Variants in MMP20 observed in about 807,000 individuals in gnomAD.
The protein encoded by MMP20 is matrix metalloproteinase-20.
Under a neutral mutation model 51.8 loss-of-function variants are expected in MMP20, and 50 were observed. The observed-to-expected ratio is 0.97, with a 90% CI of 0.77 to 1.22. The LOEUF is 1.22. MMP20 is among the 50% of genes most tolerant of loss of function. MMP20 has a pLI of 0.00. For synonymous variants in MMP20, 244 were observed against 216.2 expected, an observed-to-expected ratio of 1.13 and a Z score of -1.13; for missense variants, 663 against 601.4, an observed-to-expected ratio of 1.10 and a Z score of -1.07.
At chr11:102,597,703 T>C (rs913543843) in intron 6 of MMP20, among the ~76,000 whole-genome samples, 2 of 152,232 alleles carry the variant, frequency 1.3e-5, no homozygotes, top group African/African-American at 4.8e-5. Flanking sequence ...GTGTAATGTA[T>C]ATAATGTGCA....
chr11:102,596,766 T>A (rs899313330), intron 6 of MMP20, among the ~76,000 whole-genome samples: 6 of 152,220 alleles, frequency 3.9e-5, no homozygotes, highest in Non-Finnish European at 2.9e-5. Flanking sequence ...TACTTGCTCA[T>A]GCTCAGTCTC....
chr11:102,609,881 T>C, intron 4 of MMP20, 24 bp downstream of exon 4: 1 of 1,614,032 alleles, frequency 6.2e-7, no homozygotes, highest in Non-Finnish European at 8.5e-7. Context: ...ATTTTCCAGG[T>C]TATGGTGAAT....
At position 102,577,235 on chromosome 11, in the gene MMP20, T is replaced by C; in HGVS notation, c.*91A>G. 2 of 843,970 alleles carry C rather than the reference T, an allele frequency of 2.4e-6. No individual in the cohort carries two copies. Among genetic ancestry groups the C allele is most frequent in the Admixed American group, 3.6e-5 (2 of 54,890 alleles). 52.3% of individuals were successfully genotyped at this position (843,970 alleles called of 1,614,324 possible). Reference sequence around the variant, plus strand: ...TTTGATTTGAAGGCCTTTGGAAGAATCCCTCTCCTACATTCTGCTTTAGTC... The same window carrying C: ...TTTGATTTGAAGGCCTTTGGAAGAACCCCTCTCCTACATTCTGCTTTAGTC... On this transcript the variant is annotated 3_prime_UTR_variant, in exon 10 of 10. Transcript: ENST00000260228.
intron 8 of MMP20, among the ~76,000 whole-genome samples, chr11:102,592,647 G>A (rs1482384429): frequency 2.0e-5 from 3 of 152,194 alleles, no homozygotes; most frequent in Admixed American, 2.0e-4. Flanking sequence ...ATGAGCCTAA[G>A]GTGTCTAGCA....
intron 8 of MMP20, among the ~76,000 whole-genome samples, chr11:102,591,044 G>T (rs1859311191): frequency 1.3e-5 from 2 of 152,194 alleles, no homozygotes; most frequent in Admixed American, 6.5e-5. Flanking sequence ...TTATTTTGGG[G>T]TCTCTGATAC....
chr11:102,609,649 G>A (rs913190306), intron 4 of MMP20, among the ~76,000 whole-genome samples: 6 of 152,180 alleles, frequency 3.9e-5, no homozygotes, highest in Admixed American at 1.3e-4. Context: ...TGAAGGAAAC[G>A]AGAGCAGTGC....
At chr11:102,593,749 A>C (rs1859346691) in intron 7 of MMP20, among the ~76,000 whole-genome samples, 154 bp from the exon 8 acceptor site, 1 of 152,240 alleles carries the variant, frequency 6.6e-6, no homozygotes, top group Non-Finnish European at 1.5e-5. Context: ...CTAACTATTC[A>C]GTTCAGTAAA....
chr11:102,578,219 C>G (rs535150705), intron 9 of MMP20, among the ~76,000 whole-genome samples: 43 of 151,824 alleles, frequency 2.8e-4, no homozygotes, highest in Middle Eastern at 6.8e-3. Flanking sequence ...TCACAGTTCA[C>G]CGCAGCCTCG....
chr11:102,585,942 G>A (rs1591609357), intron 8 of MMP20, among the ~76,000 whole-genome samples: 1 of 152,054 alleles, frequency 6.6e-6, no homozygotes, highest in South Asian at 2.1e-4. Flanking sequence ...GAATTCCTGG[G>A]ACAAATCCTA....
At chr11:102,603,283 T>G (rs1034829681) in intron 6 of MMP20, among the ~76,000 whole-genome samples, 1 of 152,206 alleles carries the variant, frequency 6.6e-6, no homozygotes, top group Non-Finnish European at 1.5e-5. Flanking sequence ...CCATTAGAAC[T>G]GTGGCTTGAA....
chr11:102,597,083 T>A (rs1197396555), intron 6 of MMP20, among the ~76,000 whole-genome samples: 1 of 152,168 alleles, frequency 6.6e-6, no homozygotes, highest in Non-Finnish European at 1.5e-5. Context: ...GATGAGGCCA[T>A]GTGGGGAAAG....
intron 2 of MMP20, among the ~76,000 whole-genome samples, chr11:102,612,113 A>G (rs1355490723): frequency 6.6e-6 from 1 of 152,236 alleles, no homozygotes; most frequent in Non-Finnish European, 1.5e-5. Flanking sequence ...CAGTTGGGAT[A>G]ATCCGGTACT....
At chr11:102,578,280 A>G (rs1037760492) in intron 9 of MMP20, among the ~76,000 whole-genome samples, 3 of 151,554 alleles carry the variant, frequency 2.0e-5, no homozygotes, top group African/African-American at 7.3e-5. Flanking sequence ...AGTAGCTGGG[A>G]CTACAGGTGT....
chr11:102,598,332 G>T (rs1421426290), intron 6 of MMP20, among the ~76,000 whole-genome samples: 1 of 152,172 alleles, frequency 6.6e-6, no homozygotes, highest in Non-Finnish European at 1.5e-5. Flanking sequence ...GTATTGGAAT[G>T]AAAATAAACA....
At chr11:102,603,664 C>G (rs999424174) in intron 6 of MMP20, among the ~76,000 whole-genome samples, 2 of 152,156 alleles carry the variant, frequency 1.3e-5, no homozygotes, top group Non-Finnish European at 2.9e-5. Flanking sequence ...AAGAGAAGCT[C>G]CAGGTGCCAC....
intron 9 of MMP20, among the ~76,000 whole-genome samples, chr11:102,578,718 G>C (rs1384811536): frequency 6.6e-6 from 1 of 151,980 alleles, no homozygotes; most frequent in African/African-American, 2.4e-5. Flanking sequence ...CCTGGCCACA[G>C]AGCGAGACTC....
intron 8 of MMP20, among the ~76,000 whole-genome samples, chr11:102,583,883 C>T (rs1271207058): frequency 1.3e-5 from 2 of 152,144 alleles, no homozygotes; most frequent in African/African-American, 4.8e-5. Flanking sequence ...ATACAATATG[C>T]AGATTTTCAT....
intron 8 of MMP20, among the ~76,000 whole-genome samples, chr11:102,592,895 C>T (rs1227347209): frequency 2.0e-5 from 3 of 152,198 alleles, no homozygotes; most frequent in Non-Finnish European, 2.9e-5. Context: ...CTTGCTCATA[C>T]GAAGCCCCTG....
intron 8 of MMP20, among the ~76,000 whole-genome samples, chr11:102,588,226 A>C (rs1859275982): frequency 6.6e-6 from 1 of 152,062 alleles, no homozygotes; most frequent in African/African-American, 2.4e-5. Context: ...CATTACTCCT[A>C]TATAACTCTA....
Sources: gnomAD v4.1 joint callset for allele counts (sites outside exome capture counted in the v4.1 genomes callset) on GRCh38, gnomAD v4.1.1 for gene constraint, MANE v1.5 for transcripts, NCBI Gene and HGNC (gene_info 2026-07-23, HGNC 2026-07-21) for gene names.